Variants in VPS13B observed in about 807,000 individuals in gnomAD.
VPS13B encodes vacuolar protein sorting 13 homolog B.
In VPS13B, 285 loss-of-function variants were observed where a neutral mutation model predicts 426.4. The observed-to-expected ratio is 0.67, with a 90% CI of 0.61 to 0.74. The LOEUF (loss-of-function observed/expected upper bound fraction) is 0.74. Ranked by LOEUF, VPS13B falls within the 30% of genes least tolerant of loss-of-function variation. The probability of loss-of-function intolerance (pLI) is 0.00; values close to 1 mark genes in which losing one functional copy is unlikely to be tolerated. For missense variants in VPS13B, 4,537 were observed against 4,782.6 expected (o/e 0.95, Z 1.51); for synonymous variants, 1,676 against 1,676.4 (o/e 1.00, Z 0.01).
At chr8:99,665,145 G>A (rs1372783676) in intron 35 of VPS13B, among the ~76,000 whole-genome samples, 14 of 152,064 alleles carry the variant, frequency 9.2e-5, no homozygotes, top group Admixed American at 2.6e-4. Context: ...CATATCCTTC[G>A]CCCACTGTTT....
intron 19 of VPS13B, among the ~76,000 whole-genome samples, chr8:99,368,616 A>G (rs1042766612): frequency 1.3e-5 from 2 of 152,144 alleles, no homozygotes; most frequent in South Asian, 2.1e-4. Flanking sequence ...TCTGACTTTT[A>G]CTATCTCAGG....
At chr8:99,608,995 A>G (rs1165163066) in intron 33 of VPS13B, among the ~76,000 whole-genome samples, 2 of 152,144 alleles carry the variant, frequency 1.3e-5, no homozygotes, top group Non-Finnish European at 2.9e-5. Context: ...TTGTGTAGAC[A>G]TGTGATTTCA....
rs554513755 is a variant in VPS13B at position 99,812,884 on chromosome 8, T to G, written c.8097+3354T>G. Among the ~76,000 whole-genome samples the G allele has an allele frequency of 5.3e-5, 8 of 152,290 alleles. No individual in the cohort carries two copies. In the South Asian group the frequency reaches 1.7e-3, roughly 32 times the overall value. On this transcript the variant is annotated intron_variant, in intron 44 of 61. Transcript: ENST00000357162. ...AATAAGAGTTCTGAAACCTGCTAAG[T>G]AAAATCATATGTGGAAATCTTCAAT... is the stretch of plus-strand genomic sequence containing the variant.
chr8:99,340,131 T>C (rs1393542841), intron 19 of VPS13B, among the ~76,000 whole-genome samples: 1 of 152,152 alleles, frequency 6.6e-6, no homozygotes, highest in Non-Finnish European at 1.5e-5. Context: ...CCTAACAGAA[T>C]AACTATAGTT....
At chr8:99,237,009 C>T (rs973484414) in intron 17 of VPS13B, among the ~76,000 whole-genome samples, 1 of 152,152 alleles carries the variant, frequency 6.6e-6, no homozygotes, top group Non-Finnish European at 1.5e-5. Flanking sequence ...GTGAATAAGT[C>T]TTACAAGATC....
chr8:99,491,996 G>A (rs1820631694), intron 25 of VPS13B, among the ~76,000 whole-genome samples: 1 of 152,104 alleles, frequency 6.6e-6, no homozygotes, highest in Non-Finnish European at 1.5e-5. Flanking sequence ...CCTCTTTGTG[G>A]TTCTATCTAC....
chr8:99,450,510 C>T (rs1344283830), intron 23 of VPS13B, among the ~76,000 whole-genome samples: 1 of 152,096 alleles, frequency 6.6e-6, no homozygotes, highest in Non-Finnish European at 1.5e-5. Flanking sequence ...GTTAGGAGAT[C>T]AAGACCATCC....
At chr8:99,767,756 C>G (rs1219322272) in intron 40 of VPS13B, among the ~76,000 whole-genome samples, 1 of 152,018 alleles carries the variant, frequency 6.6e-6, no homozygotes, top group East Asian at 1.9e-4. Context: ...TGGTGAAACC[C>G]CATCTCTATA....
At chr8:99,049,803 A>G (rs971554325) in intron 3 of VPS13B, among the ~76,000 whole-genome samples, 1 of 151,732 alleles carries the variant, frequency 6.6e-6, no homozygotes, top group East Asian at 1.9e-4. Flanking sequence ...AGGAATGCCA[A>G]TTATTCTTAG....
chr8:99,731,778 G>C (rs1048143182), intron 39 of VPS13B, among the ~76,000 whole-genome samples: 4 of 152,186 alleles, frequency 2.6e-5, no homozygotes, highest in African/African-American at 9.6e-5. Context: ...GTAATTGCAA[G>C]ATTTAAGCTC....
At chr8:99,231,593 T>C (rs1356376384) in intron 17 of VPS13B, among the ~76,000 whole-genome samples, 1 of 152,224 alleles carries the variant, frequency 6.6e-6, no homozygotes, top group Non-Finnish European at 1.5e-5. Context: ...TGTTGCACAA[T>C]TGGACTCTCA....
chr8:99,677,974 C>A (rs1363852334), intron 35 of VPS13B, among the ~76,000 whole-genome samples: 1 of 152,136 alleles, frequency 6.6e-6, no homozygotes, highest in Admixed American at 6.5e-5. Context: ...GCCTTCCTTT[C>A]TTATCCCTGT....
chr8:99,520,211 C>G (rs1189323820), intron 29 of VPS13B, among the ~76,000 whole-genome samples: 1 of 151,946 alleles, frequency 6.6e-6, no homozygotes. Context: ...TTAAAGGGGT[C>G]TGGGGTTCCA....
intron 51 of VPS13B, among the ~76,000 whole-genome samples, chr8:99,824,693 A>G (rs941345539): frequency 3.5e-4 from 53 of 151,548 alleles, no homozygotes; most frequent in Non-Finnish European, 4.1e-4. Flanking sequence ...GCACCCATCA[A>G]CCCGTCATCT....
In VPS13B at chr8:99,192,971, C is replaced by G. The variant is rs1171375112; in HGVS notation, c.2429C>G (p.Ala810Gly). Residue 810 changes from alanine to glycine, a missense_variant, in exon 17 of 62, where the codon GCA becomes GGA. This residue lies in a region of VPS13B where 4,311 missense variants were observed against 4,474.3 expected (regional missense o/e 0.96). Coordinates refer to ENST00000357162, the MANE Select transcript of VPS13B (RefSeq NM_152564.5). The part of the protein sequence containing the change: ...ATRAQTLLLQ[A>G]IYQSWSHLGN... ...AGAGCACAGACACTTCTCTTGCAAG[C>G]AATATATCAAAGTTGGTCTCATCTT... The G allele has an allele frequency of 6.2e-7, 1 of 1,613,582 alleles. No individual in the cohort carries two copies. Among genetic ancestry groups the G allele is most frequent in the Non-Finnish European group, 8.5e-7 (1 of 1,179,830 alleles).
At chr8:99,789,126 AT>A (rs1812420134) in intron 43 of VPS13B, among the ~76,000 whole-genome samples, 1 of 152,050 alleles carries the variant, frequency 6.6e-6, no homozygotes, top group Non-Finnish European at 1.5e-5. Flanking sequence ...AGACCTGGTA[AT>A]TTTTTCATTT....
intron 36 of VPS13B, among the ~76,000 whole-genome samples, chr8:99,713,965 C>T (rs887534065): frequency 1.3e-5 from 2 of 151,996 alleles, no homozygotes; most frequent in Non-Finnish European, 2.9e-5. Context: ...CATGGTGAAA[C>T]CCCATCTCTA....
intron 19 of VPS13B, among the ~76,000 whole-genome samples, chr8:99,314,010 G>C (rs375197183): frequency 6.6e-6 from 1 of 152,148 alleles, no homozygotes; most frequent in Non-Finnish European, 1.5e-5. Flanking sequence ...TGCTAAGACC[G>C]TTGGAAAAGT....
intron 35 of VPS13B, among the ~76,000 whole-genome samples, chr8:99,691,258 T>C (rs1305117036): frequency 6.6e-6 from 1 of 151,848 alleles, no homozygotes; most frequent in Admixed American, 6.6e-5. Flanking sequence ...TGTGTGTGTG[T>C]GTGTGTGTGT....
Sources: gnomAD v4.1 joint callset for allele counts (sites outside exome capture counted in the v4.1 genomes callset) on GRCh38, gnomAD v4.1.1 for gene constraint, gnomAD v4.1.1 regional missense constraint, MANE v1.5 for transcripts, NCBI Gene and HGNC (gene_info 2026-07-23, HGNC 2026-07-21) for gene names.